Variants in GANAB observed in about 807,000 individuals in gnomAD.
GANAB encodes the protein glucosidase II alpha subunit.
Under a neutral mutation model 129.9 loss-of-function variants are expected in GANAB, and 35 were observed. The ratio of observed to expected loss-of-function variants is 0.27; its 90% CI spans 0.21 to 0.36. GANAB has a LOEUF of 0.36. Among genes scored for constraint, GANAB ranks in the 10% least tolerant of loss-of-function variants. The pLI, the probability that GANAB is intolerant of heterozygous loss-of-function variation, is 1.00. For synonymous variants in GANAB, 482 were observed against 451.8 expected (o/e 1.07, Z -0.85); for missense variants, 939 against 1,221.0 (o/e 0.77, Z 3.44).
In GANAB at chr11:62,625,542, G is replaced by GA. The variant is rs1363916225; in HGVS notation, c.*272_*273insT. The GA allele has an allele frequency of 4.0e-6, 2 of 494,494 alleles. No homozygotes were observed. Among genetic ancestry groups the GA allele is most frequent in the Non-Finnish European group, 7.4e-6 (2 of 270,352 alleles). The allele number at this position is 494,494 out of a possible 1,614,324, so 30.6% of individuals were successfully genotyped here. A position where few individuals can be genotyped will look rare whatever the true frequency, so the allele number is the denominator to read the frequency against. On this transcript the variant is annotated 3_prime_UTR_variant, in exon 24 of 24. Coordinates refer to ENST00000356638, the MANE Select transcript of GANAB (RefSeq NM_198334.3). ...GACAAGGGCCCTGTGGTTTCCTGGT[G>GA]TTCGTAAGTGAATGTGCTCCAGTTA...
chr11:62,644,914 A>G (rs907891309), intron 1 of GANAB, among the ~76,000 whole-genome samples: 19 of 152,170 alleles, frequency 1.2e-4, no homozygotes, highest in African/African-American at 4.6e-4. Context: ...CATTGTATCT[A>G]GTTATCTAGC....
intron 1 of GANAB, chr11:62,639,958 G>A: frequency 2.0e-6 from 1 of 509,878 alleles, no homozygotes; most frequent in East Asian, 3.5e-5. Context: ...AGAGTAGGCT[G>A]GGCGTGGTGG....
chr11:62,625,998 G>A, intron 23 of GANAB, 67 bp downstream of exon 23: 1 of 1,466,902 alleles, frequency 6.8e-7, no homozygotes, highest in Non-Finnish European at 9.6e-7. Flanking sequence ...CTACAGGCAA[G>A]GGCATCCCTA....
chr11:62,641,377 C>G (rs562566069), intron 1 of GANAB, among the ~76,000 whole-genome samples: 16 of 148,496 alleles, frequency 1.1e-4, no homozygotes, highest in African/African-American at 3.2e-4. Context: ...CCTCAGCTAG[C>G]CTGCTGGTTA....
At chr11:62,630,051 A>G in intron 13 of GANAB, 94 bp from the exon 14 acceptor site, 1 of 1,458,916 alleles carries the variant, frequency 6.9e-7, no homozygotes, top group Non-Finnish European at 9.6e-7. Flanking sequence ...ATCTAAAAAG[A>G]TGCATTTTTC....
intron 14 of GANAB, 29 bp downstream of exon 14, chr11:62,629,785 C>A: frequency 6.2e-7 from 1 of 1,613,368 alleles, no homozygotes; most frequent in Non-Finnish European, 8.5e-7. Flanking sequence ...TTCCCTCTTT[C>A]CACCAACTCT....
intron 1 of GANAB, among the ~76,000 whole-genome samples, chr11:62,641,747 T>C (rs1019130991): frequency 1.5e-4 from 21 of 142,196 alleles, no homozygotes; most frequent in African/African-American, 5.3e-4. Context: ...GCCCAGCTAA[T>C]TTTTGTATTT....
rs371744570 is a variant in GANAB, at chr11:62,643,080, A to T, written c.39-3349T>A. Among the ~76,000 whole-genome samples the T allele has an allele frequency of 1.7e-4, 26 of 152,324 alleles. 1 individual carries two copies. The South Asian group carries it at 5.2e-3, about 30-fold the overall frequency. On this transcript the variant is annotated intron_variant, in intron 1 of 23. Transcript: ENST00000356638. The stretch of plus-strand genomic sequence containing the variant: ...GGTTATCACGAATTGTCAATTTCCC[A>T]ATGTGCTATGAAATGACAGATAAGA...
intron 9 of GANAB, among the ~76,000 whole-genome samples, chr11:62,631,433 G>A (rs1943673960): frequency 6.7e-6 from 1 of 149,924 alleles, no homozygotes. Flanking sequence ...TCATGTCTTT[G>A]TTAGCACTTA....
intron 3 of GANAB, 54 bp from the exon 4 acceptor site, chr11:62,639,164 T>C (rs1425657694): frequency 1.2e-6 from 2 of 1,601,438 alleles, no homozygotes; most frequent in Non-Finnish European, 8.5e-7. Flanking sequence ...CACCATGGAA[T>C]GCTCTTTGAA....
In GANAB at chr11:62,628,772, A is replaced by G. The variant is rs772357517; in HGVS notation, c.2177T>C (p.Met726Thr). The G allele has an allele frequency of 1.5e-5, 24 of 1,613,438 alleles. 1 individual carries two copies. In the Admixed American group the frequency reaches 4.0e-4, roughly 27 times the overall value. Reference sequence around the variant, plus strand: ...ACAGCCCAAGTGAATGCCTCACCTCATGACAGGAATGCCTTCCCGATGGGC... The same window carrying G: ...ACAGCCCAAGTGAATGCCTCACCTCGTGACAGGAATGCCTTCCCGATGGGC... Reference protein sequence around the residue: ...YQAHREGIPVMRPLWVQYPQD... With the variant: ...YQAHREGIPVTRPLWVQYPQD... Residue 726 changes from methionine (M) to threonine (T), a missense_variant, in exon 17 of 24, where the codon ATG (methionine) becomes ACG (threonine). Met to Thr is a moderately conservative substitution (Grantham distance 81). Transcript: ENST00000356638.
At position 62,639,218 on chromosome 11, in the gene GANAB, A is replaced by C. The variant is rs141459629; in HGVS notation, c.253-108T>G. The stretch of plus-strand genomic sequence containing the variant: ...GTTTCTTCCTTTGAGCCCTTTGCCT[A>C]AAGGCCAAGATCACATTTCTTCATA... On this transcript the variant is annotated intron_variant, in intron 3 of 23. Transcript: ENST00000356638. 7.8e-4 allele frequency: 1,068 copies of C among 1,367,970 alleles called. 8 individuals carry two copies. The African/African-American group carries it at 0.013, about 17-fold the overall frequency. 84.7% of individuals were successfully genotyped at this position (1,367,970 alleles called of 1,614,324 possible).
intron 5 of GANAB, 27 bp downstream of exon 5, chr11:62,634,794 C>G: frequency 6.3e-7 from 1 of 1,582,974 alleles, no homozygotes; most frequent in Non-Finnish European, 8.7e-7. Flanking sequence ...ACACTAGGTT[C>G]CCTGCAGTCC....
At chr11:62,630,954 G>A in intron 10 of GANAB, 76 bp downstream of exon 10, 7 of 1,520,832 alleles carry the variant, frequency 4.6e-6, no homozygotes, top group Admixed American at 3.6e-5. Flanking sequence ...ACAAGCTGGG[G>A]CACAGGATCT....
Position 62,630,842 on chromosome 11 carries a change from G to A in GANAB, c.1151-6C>T. 1 of 1,604,840 alleles carries A rather than the reference G, an allele frequency of 6.2e-7. No homozygotes were observed. Among genetic ancestry groups the A allele is most frequent in the African/African-American group, 1.3e-5 (1 of 74,820 alleles). ...TGGGGGCAACGCCTGGGTTCCTGCA[G>A]GTTCATGAGGGATGGGGGTCACAAC... On this transcript the variant is annotated splice_region_variant and splice_polypyrimidine_tract_variant and intron_variant, in intron 10 of 23. Transcript: ENST00000356638.
Position 62,626,390 on chromosome 11 carries a change from G to A in GANAB, c.2569C>T (p.Arg857Cys), listed in dbSNP as rs777546492. ...DDGHTFNYQT[R>C]QEFLLRRFSF... ...AATCGACGCAGCAGGAACTCTTGGC[G>A]AGTCTGATAGTTGAACGTGTGCCCA... Residue 857 changes from arginine (R) to cysteine (C), a missense_variant, in exon 22 of 24, where the codon CGC (arginine) becomes TGC (cysteine). Physicochemically the swap from Arg to Cys is radical, Grantham distance 180. Around this residue, in one of 5 missense-constraint regions of GANAB, gnomAD observed 230 missense variants for 259.9 expected, o/e 0.89. Transcript: ENST00000356638. 65 of 1,613,578 alleles carry A rather than the reference G, an allele frequency of 4.0e-5. 1 individual carries two copies. In the Admixed American group the frequency reaches 7.2e-4, roughly 18 times the overall value.
At chr11:62,640,304 T>C (rs1229496570) in intron 1 of GANAB, among the ~76,000 whole-genome samples, 2 of 113,576 alleles carry the variant, frequency 1.8e-5, no homozygotes, top group Non-Finnish European at 3.4e-5. Flanking sequence ...GAGGCTGAAG[T>C]GGGCGGATCA....
Position 62,625,936 on chromosome 11 carries a change from A to C in GANAB, c.2726-12T>G. The C allele has an allele frequency of 6.3e-7, 1 of 1,576,990 alleles. No individual in the cohort carries two copies. Among genetic ancestry groups the C allele is most frequent in the South Asian group, 1.1e-5 (1 of 90,356 alleles). The stretch of plus-strand genomic sequence containing the variant: ...GCTTTCTGGAGATCCTGGAGGAGGA[A>C]TAAAAGAGTGCCATAGTCATACCAA... On this transcript the variant is annotated splice_polypyrimidine_tract_variant and intron_variant, in intron 23 of 23. Transcript: ENST00000356638.
chr11:62,630,989 C>T, intron 10 of GANAB, 41 bp downstream of exon 10: 1 of 1,577,490 alleles, frequency 6.3e-7, no homozygotes, highest in Non-Finnish European at 8.7e-7. Context: ...AATCACCCGA[C>T]AAGAAAAGAG....
Sources: allele counts gnomAD v4.1 joint callset (sites outside exome capture counted in the v4.1 genomes callset), GRCh38; gene constraint gnomAD v4.1.1; regional missense constraint gnomAD v4.1.1; transcripts MANE v1.5; gene names NCBI Gene and HGNC (gene_info 2026-07-23, HGNC 2026-07-21).